Variants in ZSCAN5A observed in about 807,000 individuals in gnomAD.
ZSCAN5A encodes zinc finger and SCAN domain containing 5A.
Under a neutral mutation model 23.7 loss-of-function variants are expected in ZSCAN5A, and 12 were observed. The observed-to-expected ratio is 0.51, with a 90% CI of 0.32 to 0.82. ZSCAN5A has a LOEUF of 0.82. Among genes scored for constraint, ZSCAN5A ranks in the 40% least tolerant of loss-of-function variants. ZSCAN5A has a pLI of 0.03. For missense variants in ZSCAN5A, 597 were observed against 617.9 expected (o/e 0.97, Z 0.36); for synonymous variants, 257 against 239.9 (o/e 1.07, Z -0.66).
chr19:56,347,319 G>A (rs932963842), intron 2 of ZSCAN5A: 2 of 152,250 alleles, frequency 1.3e-5, no homozygotes, highest in Non-Finnish European at 2.9e-5. Flanking sequence ...AAGGTGATAG[G>A]CGCGGGGCTT....
intron 2 of ZSCAN5A, chr19:56,320,930 C>T (rs780426451): frequency 1.3e-6 from 1 of 752,994 alleles, no homozygotes; most frequent in Non-Finnish European, 2.5e-6. Context: ...AGCTGTTCTA[C>T]TTGGTCCTGC....
At chr19:56,295,672 T>G (rs2039824822) in intron 2 of ZSCAN5A, among the ~76,000 whole-genome samples, 1 of 152,144 alleles carries the variant, frequency 6.6e-6, no homozygotes, top group Non-Finnish European at 1.5e-5. Context: ...CAGCCTAACC[T>G]TGCTGCGGTG....
At chr19:56,273,740 G>T (rs1457551357) in intron 2 of ZSCAN5A, among the ~76,000 whole-genome samples, 1 of 152,142 alleles carries the variant, frequency 6.6e-6, no homozygotes, top group Non-Finnish European at 1.5e-5. Context: ...AGTAAGAAGA[G>T]ACAGGAGGCA....
chr19:56,224,667 T>A lies in ZSCAN5A; in HGVS notation c.380A>T (p.Lys127Ile), dbSNP rs1229403566. 1 of 1,541,206 alleles carries A rather than the reference T, an allele frequency of 6.5e-7. No homozygotes were observed. Among genetic ancestry groups the A allele is most frequent in the East Asian group, 2.3e-5 (1 of 44,342 alleles). Residue 127 changes from lysine (K) to isoleucine (I), a missense_variant, in exon 3 of 6, where the codon AAA becomes ATA. Coordinates refer to ENST00000683990, the MANE Select transcript of ZSCAN5A (RefSeq NM_001322064.3). ...DLLRNNRRPK[K>I]WSVVTFHGKE... The stretch of plus-strand genomic sequence containing the variant: ...AATCACGAGGGTCCCACTCACCCAT[T>A]TCTTGGGTCTTCTGTTATTTCGTAG...
intron 2 of ZSCAN5A, among the ~76,000 whole-genome samples, chr19:56,324,633 T>C (rs2041415904): frequency 7.8e-6 from 1 of 128,916 alleles, no homozygotes; most frequent in Admixed American, 8.1e-5. Flanking sequence ...CACTGCTGTG[T>C]ACATGTTCAA....
chr19:56,291,049 G>GGT (rs2039475401), intron 2 of ZSCAN5A, among the ~76,000 whole-genome samples: 1 of 152,158 alleles, frequency 6.6e-6, no homozygotes, highest in Non-Finnish European at 1.5e-5. Flanking sequence ...GAGCCGTGAG[G>GGT]GTGTGTCTGG....
At chr19:56,333,770 A>T (rs1416513600) in intron 2 of ZSCAN5A, among the ~76,000 whole-genome samples, 2 of 152,180 alleles carry the variant, frequency 1.3e-5, no homozygotes, top group Non-Finnish European at 2.9e-5. Context: ...AAGAGTCCAT[A>T]GGGCTATAAA....
intron 2 of ZSCAN5A, among the ~76,000 whole-genome samples, chr19:56,290,475 T>C (rs1196643957): frequency 6.6e-6 from 1 of 152,204 alleles, no homozygotes; most frequent in Non-Finnish European, 1.5e-5. Flanking sequence ...AGGGTCTTTG[T>C]TTAAAATTAG....
At chr19:56,291,120 C>A (rs1362112625) in intron 2 of ZSCAN5A, among the ~76,000 whole-genome samples, 1 of 152,254 alleles carries the variant, frequency 6.6e-6, no homozygotes, top group South Asian at 2.1e-4. Context: ...CATATCACGT[C>A]CCCGAGCTCA....
At chr19:56,234,616 A>C (rs2034727002) in intron 2 of ZSCAN5A, among the ~76,000 whole-genome samples, 1 of 152,154 alleles carries the variant, frequency 6.6e-6, no homozygotes, top group Admixed American at 6.5e-5. Flanking sequence ...TAACTTAAAA[A>C]CCGATGTTAT....
In ZSCAN5A at chr19:56,332,922, G is replaced by T. The variant is rs187818294; in HGVS notation, c.-357-16654C>A. Among the ~76,000 whole-genome samples, 22 of 152,258 alleles carry T rather than the reference G, an allele frequency of 1.4e-4. No individual in the cohort carries two copies. In the East Asian group the frequency reaches 4.2e-3, roughly 29 times the overall value. ...ATTTCTTCTTTGCTTTTGAAGCCTAGTTTGGTGTGACATAAAATTCTTTGT... is the reference window on the plus strand; with the variant it reads ...ATTTCTTCTTTGCTTTTGAAGCCTATTTTGGTGTGACATAAAATTCTTTGT... On this transcript the variant is annotated intron_variant, in intron 2 of 6. Transcript: ENST00000587340.
intron 2 of ZSCAN5A, among the ~76,000 whole-genome samples, chr19:56,265,345 T>C (rs1194843727): frequency 6.7e-6 from 1 of 148,710 alleles, no homozygotes; most frequent in African/African-American, 2.5e-5. Context: ...TCAACAAATA[T>C]TAATTGAGCA....
intron 2 of ZSCAN5A, among the ~76,000 whole-genome samples, chr19:56,353,832 T>C (rs529583792): frequency 1.3e-5 from 2 of 152,036 alleles, no homozygotes; most frequent in South Asian, 2.1e-4. Flanking sequence ...TAAAATGATA[T>C]TGAGCAGTGG....
At chr19:56,289,571 T>G (rs909836393) in intron 2 of ZSCAN5A, among the ~76,000 whole-genome samples, 5 of 152,204 alleles carry the variant, frequency 3.3e-5, no homozygotes, top group Admixed American at 3.3e-4. Flanking sequence ...GGCACATAGT[T>G]GGACCACACA....
At chr19:56,285,881 G>C (rs1420159230) in intron 2 of ZSCAN5A, among the ~76,000 whole-genome samples, 1 of 152,128 alleles carries the variant, frequency 6.6e-6, no homozygotes, top group Non-Finnish European at 1.5e-5. Context: ...TATCTGTTAA[G>C]TTCCTAAAAG....
In ZSCAN5A at chr19:56,343,297, T is replaced by A. The variant is rs532602660; in HGVS notation, c.-358+19938A>T. On this transcript the variant is annotated intron_variant, in intron 2 of 6. Coordinates refer to the ZSCAN5A transcript ENST00000587340. Reference sequence around the variant, plus strand: ...AGGCTTTGCCAGGAGAAGCCACTAGTTTCTGAAGACTACTGGAGTGGTGTG... The same window carrying A: ...AGGCTTTGCCAGGAGAAGCCACTAGATTCTGAAGACTACTGGAGTGGTGTG... The A allele has an allele frequency of 6.2e-5, 47 of 755,478 alleles. No individual in the cohort carries two copies. In the African/African-American group the frequency reaches 7.6e-4, roughly 12 times the overall value. 46.8% of individuals were successfully genotyped at this position (755,478 alleles called of 1,614,324 possible). A position where few individuals can be genotyped will look rare whatever the true frequency, so the allele number is the denominator to read the frequency against.
In ZSCAN5A at chr19:56,241,364, G is replaced by A. The variant is rs149477710; in HGVS notation, c.-127-16191C>T. On this transcript the variant is annotated intron_variant, in intron 2 of 5. Transcript: ENST00000683990. ...TGCCTTGGCCTGAGCAGCAGCAGGC[G>A]CCCTTGCAGCAAAGCCACTTTTAAT... Among the ~76,000 whole-genome samples, 1,091 of 152,246 alleles carry A rather than the reference G, an allele frequency of 7.2e-3. 13 individuals are homozygous for A. Among genetic ancestry groups the A allele is most frequent in the South Asian group, 0.039 (188 of 4,826 alleles).
At chr19:56,306,836 T>C (rs370462486) in intron 2 of ZSCAN5A, among the ~76,000 whole-genome samples, 113 of 5,760 alleles carry the variant, frequency 0.02, 1 homozygote, top group African/African-American at 0.035. Flanking sequence ...AGATGGGAGA[T>C]TTCTCTTCCC....
At chr19:56,242,627 C>T (rs542854401) in intron 2 of ZSCAN5A, among the ~76,000 whole-genome samples, 4 of 152,236 alleles carry the variant, frequency 2.6e-5, no homozygotes, top group South Asian at 2.1e-4. Flanking sequence ...GAAGACCTTT[C>T]GGTTGCTTCC....
Sources: allele counts gnomAD v4.1 joint callset (sites outside exome capture counted in the v4.1 genomes callset), GRCh38; gene constraint gnomAD v4.1.1; transcripts MANE v1.5; gene names NCBI Gene and HGNC (gene_info 2026-07-23, HGNC 2026-07-21).